The following VCAN variants were observed in gnomAD, a reference collection of about 807,000 sequenced individuals.
VCAN encodes the protein versican.
In VCAN, 44 loss-of-function variants were observed where a neutral mutation model predicts 245.5. That is an observed-to-expected ratio of 0.18 (90% CI 0.14 to 0.23). The LOEUF (loss-of-function observed/expected upper bound fraction) is 0.23, where lower values mean the gene tolerates loss of function less well. Among genes scored for constraint, VCAN ranks in the 10% least tolerant of loss-of-function variants. VCAN has a pLI of 1.00. For synonymous variants in VCAN, 1,413 were observed against 1,437.0 expected (o/e 0.98, Z 0.38); for missense variants, 3,793 against 4,057.9 (o/e 0.93, Z 1.77).
intron 10 of VCAN, among the ~76,000 whole-genome samples, chr5:83,548,386 G>A (rs949799049): frequency 6.6e-6 from 1 of 152,138 alleles, no homozygotes; most frequent in African/African-American, 2.4e-5. Context: ...GCTCATGTAC[G>A]AAGGAGTACT....
intron 8 of VCAN, chr5:83,545,180 C>T (rs1747157127): frequency 3.0e-6 from 1 of 337,326 alleles, no homozygotes; most frequent in Non-Finnish European, 5.7e-6. Context: ...TAAAAGAATA[C>T]ATTTTCCATT....
In VCAN at chr5:83,538,826, C is replaced by G; in HGVS notation, c.5823C>G (p.Tyr1941Ter). Residue 1941 changes from tyrosine to a stop codon, truncating the protein, a stop_gained, in exon 8 of 15, where the codon TAC (tyrosine) becomes TAG (stop). Coordinates refer to ENST00000265077, the MANE Select transcript of VCAN (RefSeq NM_004385.5). LOFTEE classifies it high-confidence loss of function. ...EEDFSGDFRE[Y>*]STVSHPIAKE... is the part of the protein sequence containing the mutation. Reference sequence around the variant, plus strand: ...ATTTCAGTGGTGACTTTAGAGAATACTCAACAGTGTCTCATCCCATAGCAA... The same window carrying G: ...ATTTCAGTGGTGACTTTAGAGAATAGTCAACAGTGTCTCATCCCATAGCAA... 6.2e-7 allele frequency: 1 copy of G among 1,613,954 alleles called. No individual in the cohort carries two copies. The highest frequency in any genetic ancestry group is 8.5e-7 in the Non-Finnish European group (1 of 1,179,968).
Position 83,522,384 on chromosome 5 carries a change from A to G in VCAN, c.4003+75A>G. 8.0e-6 allele frequency: 12 copies of G among 1,492,450 alleles called. No homozygotes were observed. The South Asian group carries it at 1.2e-4, about 15-fold the overall frequency. 92.5% of individuals were successfully genotyped at this position (1,492,450 alleles called of 1,614,324 possible). A position where few individuals can be genotyped will look rare whatever the true frequency, so the allele number is the denominator to read the frequency against. ...TTGAAAGTTACTTTTGGGGAAAAAAAGTCAACATACCAAATGCTGCTATTA... is the reference window on the plus strand; with the variant it reads ...TTGAAAGTTACTTTTGGGGAAAAAAGGTCAACATACCAAATGCTGCTATTA... On this transcript the variant is annotated intron_variant, in intron 7 of 14. Coordinates refer to ENST00000265077, the MANE Select transcript of VCAN (RefSeq NM_004385.5).
chr5:83,520,126 C>T lies in VCAN; in HGVS notation c.1820C>T (p.Ser607Phe). Residue 607 changes from serine to phenylalanine, a missense_variant, in exon 7 of 15, where the codon TCC becomes TTC. This residue lies in a region of VCAN where 3,182 missense variants were observed against 3,250.3 expected (regional missense o/e 0.98). Transcript: ENST00000265077. ...LESVSASTTV[S>F]PLIMPDNNGS... Reference sequence around the variant, plus strand: ...TCAGTCTCAGCATCCACAACTGTTTCCCCTTTAATTATGCCTGATAATAAT... The same window carrying T: ...TCAGTCTCAGCATCCACAACTGTTTTCCCTTTAATTATGCCTGATAATAAT... 1 of 1,614,042 alleles carries T rather than the reference C, an allele frequency of 6.2e-7. No homozygotes were observed. The highest frequency in any genetic ancestry group is 8.5e-7 in the Non-Finnish European group (1 of 1,179,974).
intron 5 of VCAN, among the ~76,000 whole-genome samples, chr5:83,510,331 G>A (rs573782135): frequency 1.3e-5 from 2 of 152,258 alleles, no homozygotes; most frequent in South Asian, 2.1e-4. Flanking sequence ...AATTTTTCTT[G>A]TTTTATAGTG....
At chr5:83,529,336 GAAA>G (rs56718452) in intron 7 of VCAN, among the ~76,000 whole-genome samples, 10 of 105,400 alleles carry the variant, frequency 9.5e-5, no homozygotes, top group Admixed American at 4.9e-4. Context: ...AAGAATATTT[GAAA>G]AAAAAAAAAA....
At chr5:83,578,268 G>A (rs184911188) in intron 13 of VCAN, among the ~76,000 whole-genome samples, 1 of 152,020 alleles carries the variant, frequency 6.6e-6, no homozygotes. Context: ...ACTTATAAGT[G>A]AGAGCTAAAC....
rs1320067742 is a variant in VCAN, at chr5:83,538,085, A to G, written c.5082A>G (p.Glu1694=). 3.7e-6 allele frequency: 6 copies of G among 1,613,998 alleles called. No homozygotes were observed. The highest frequency in any genetic ancestry group is 1.7e-5 in the Admixed American group (1 of 59,976). Residue 1694 remains glutamate, a synonymous_variant, in exon 8 of 15, where the codon GAA becomes GAG. Transcript: ENST00000265077. ...VPATTIYPVS[E]QPSAKVVPTK... ...CAACCACCATTTATCCAGTTTCTGA[A>G]CAACCTTCTGCAAAAGTGGTGCCTA...
At position 83,541,111 on chromosome 5, in the gene VCAN, T is replaced by C. The variant is rs1746966435; in HGVS notation, c.8108T>C (p.Ile2703Thr). Reference sequence around the variant, plus strand: ...ATTCCTCGTAAGTCTGCCACAGTTATTCCAGAGATTGAAGGAATAAAAGCT... The same window carrying C: ...ATTCCTCGTAAGTCTGCCACAGTTACTCCAGAGATTGAAGGAATAAAAGCT... ...LPIPRKSATV[I>T]PEIEGIKAEA... The change falls in exon 8 of 15, where the codon ATT (isoleucine) becomes ACT (threonine). Residue 2703 changes from isoleucine (I) to threonine (T), a missense_variant. This residue lies in a region of VCAN where 3,182 missense variants were observed against 3,250.3 expected (regional missense o/e 0.98). Transcript: ENST00000265077. 2 of 1,614,126 alleles carry C rather than the reference T, an allele frequency of 1.2e-6. No homozygotes were observed. Among genetic ancestry groups the C allele is most frequent in the Non-Finnish European group, 1.7e-6 (2 of 1,180,002 alleles).
At position 83,512,182 on chromosome 5, in the gene VCAN, G is replaced by C. The variant is rs749806980; in HGVS notation, c.828G>C (p.Arg276Ser). The C allele has an allele frequency of 6.2e-7, 1 of 1,614,162 alleles. No homozygotes were observed. The highest frequency in any genetic ancestry group is 1.1e-5 in the South Asian group (1 of 91,076). The change falls in exon 6 of 15, where the codon AGG becomes AGC. Residue 276 changes from arginine (R) to serine (S), a missense_variant. Physicochemically the swap from Arg to Ser is moderately radical, Grantham distance 110 (BLOSUM62 -1). Coordinates refer to ENST00000265077, the MANE Select transcript of VCAN (RefSeq NM_004385.5). ...AAKECENQDA[R>S]LATVGELQAA... Reference sequence around the variant, plus strand: ...AAGAGTGTGAAAACCAGGATGCCAGGCTGGCAACAGTGGGGGAACTCCAGG... The same window carrying C: ...AAGAGTGTGAAAACCAGGATGCCAGCCTGGCAACAGTGGGGGAACTCCAGG...
intron 2 of VCAN, 142 bp from the exon 3 acceptor site, chr5:83,489,956 C>G (rs2112352723): frequency 1.2e-6 from 1 of 815,422 alleles, no homozygotes; most frequent in Non-Finnish European, 1.9e-6. Context: ...ATGCTATTCT[C>G]TTTATATAAA....
chr5:83,502,738 A>G (rs1466120481), intron 5 of VCAN, among the ~76,000 whole-genome samples: 1 of 151,954 alleles, frequency 6.6e-6, no homozygotes, highest in Non-Finnish European at 1.5e-5. Flanking sequence ...TGACTATCAT[A>G]GTAGACTATG....
In VCAN at chr5:83,572,285, A is replaced by G. The variant is rs945402076; in HGVS notation, c.9736-131A>G. 4 of 1,143,156 alleles carry G rather than the reference A, an allele frequency of 3.5e-6. No individual in the cohort carries two copies. In the South Asian group the frequency reaches 5.1e-5, roughly 15 times the overall value. 70.8% of individuals were successfully genotyped at this position (1,143,156 alleles called of 1,614,324 possible). Reference sequence around the variant, plus strand: ...TTAACAGTCTTTTTCTGTACCACCAAAATAATTTCAGCTATATGAAACAAC... The same window carrying G: ...TTAACAGTCTTTTTCTGTACCACCAGAATAATTTCAGCTATATGAAACAAC... On this transcript the variant is annotated intron_variant, in intron 12 of 14. Coordinates refer to ENST00000265077, the MANE Select transcript of VCAN (RefSeq NM_004385.5).
intron 10 of VCAN, among the ~76,000 whole-genome samples, chr5:83,550,634 C>T (rs1035131779): frequency 1.3e-5 from 2 of 152,074 alleles, no homozygotes; most frequent in Admixed American, 6.6e-5. Flanking sequence ...CGCCTGTAAT[C>T]CCAGCACTTT....
chr5:83,580,769 T>G lies in VCAN; in HGVS notation c.*335T>G, dbSNP rs1022619976. 2.9e-6 allele frequency: 1 copy of G among 349,256 alleles called. No individual in the cohort carries two copies. Among genetic ancestry groups the G allele is most frequent in the African/African-American group, 2.1e-5 (1 of 47,116 alleles). 21.6% of individuals were successfully genotyped at this position (349,256 alleles called of 1,614,324 possible). A position where few individuals can be genotyped will look rare whatever the true frequency, so the allele number is the denominator to read the frequency against. On this transcript the variant is annotated 3_prime_UTR_variant, in exon 15 of 15. Coordinates refer to ENST00000265077, the MANE Select transcript of VCAN (RefSeq NM_004385.5). Reference sequence around the variant, plus strand: ...TGCTCAATTTCAGCACCGATGGCCATGTAAATAAGATGATTTAATGTTGAT... The same window carrying G: ...TGCTCAATTTCAGCACCGATGGCCAGGTAAATAAGATGATTTAATGTTGAT...
In VCAN at chr5:83,581,900, A is replaced by G. The variant is rs746255567; in HGVS notation, c.*1466A>G. ...CTAATTTCAGTTTAGAGCAACTTGAAGAAGAGTAGACAAAAAATAAAATGC... is the reference window on the plus strand; with the variant it reads ...CTAATTTCAGTTTAGAGCAACTTGAGGAAGAGTAGACAAAAAATAAAATGC... On this transcript the variant is annotated 3_prime_UTR_variant, in exon 15 of 15. Coordinates refer to ENST00000265077, the MANE Select transcript of VCAN (RefSeq NM_004385.5). 2.0e-5 allele frequency: 3 copies of G among 152,192 alleles called. No homozygotes were observed. The highest frequency in any genetic ancestry group is 4.4e-5 in the Non-Finnish European group (3 of 68,022). 9.4% of individuals were successfully genotyped at this position (152,192 alleles called of 1,614,324 possible).
rs574449861 is a variant in VCAN at position 83,512,432 on chromosome 5, T to A, written c.1042+36T>A. The A allele has an allele frequency of 8.0e-5, 129 of 1,605,224 alleles. No individual in the cohort carries two copies. The South Asian group carries it at 1.1e-3, about 13-fold the overall frequency. Reference sequence around the variant, plus strand: ...GATACCTTTTTAAAAATTACAGTTTTAAAAAAAATGCTTCGAAGCATGCAT... The same window carrying A: ...GATACCTTTTTAAAAATTACAGTTTAAAAAAAAATGCTTCGAAGCATGCAT... On this transcript the variant is annotated intron_variant, in intron 6 of 14. Transcript: ENST00000265077.
intron 7 of VCAN, among the ~76,000 whole-genome samples, chr5:83,531,113 C>G (rs1746504061): frequency 6.6e-6 from 1 of 152,030 alleles, no homozygotes. Flanking sequence ...TTTTGCTTCT[C>G]CATAAATAAT....
chr5:83,549,160 A>G (rs751373420), intron 10 of VCAN, among the ~76,000 whole-genome samples: 4 of 152,218 alleles, frequency 2.6e-5, no homozygotes, highest in African/African-American at 4.8e-5. Flanking sequence ...AATATGTTAA[A>G]CATGATTCTG....
Sources: allele counts gnomAD v4.1 joint callset (sites outside exome capture counted in the v4.1 genomes callset), GRCh38; gene constraint gnomAD v4.1.1; regional missense constraint gnomAD v4.1.1; transcripts MANE v1.5; gene names NCBI Gene and HGNC (gene_info 2026-07-23, HGNC 2026-07-21).